The following PCDH11X variants were observed in gnomAD, a reference collection of about 807,000 sequenced individuals.
PCDH11X encodes the protein protocadherin 11 X-linked.
Under a neutral mutation model 53.3 loss-of-function variants are expected in PCDH11X, and 18 were observed. The observed-to-expected ratio is 0.34, with a 90% CI of 0.23 to 0.50. The LOEUF is 0.50. PCDH11X is among the 20% of genes least tolerant of loss of function. The pLI is 0.98. For synonymous variants in PCDH11X, 279 were observed against 393.3 expected (o/e 0.71, Z 3.44); for missense variants, 570 against 1,032.4 (o/e 0.55, Z 6.14).
At chrX:92,433,375 C>T (rs1297500630) in intron 9 of PCDH11X, among the ~76,000 whole-genome samples, 6 of 109,673 alleles carry the variant, frequency 5.5e-5, no homozygotes, top group Non-Finnish European at 7.6e-5. Flanking sequence ...TTCCTGGTTG[C>T]TCCAACATTT....
chrX:92,438,288 A>G (rs1363206392), intron 9 of PCDH11X, among the ~76,000 whole-genome samples: 1 of 111,717 alleles, frequency 9.0e-6, no homozygotes, highest in Non-Finnish European at 1.9e-5. Context: ...TAAGACACAC[A>G]ATATGATTTT....
At chrX:92,352,214 CAT>C (rs2070069236) in intron 8 of PCDH11X, among the ~76,000 whole-genome samples, 1 of 111,428 alleles carries the variant, frequency 9.0e-6, no homozygotes, top group African/African-American at 3.3e-5. Flanking sequence ...TACAAAAAAA[CAT>C]AGTGTTTTAT....
chrX:92,149,187 T>A (rs951480605), intron 6 of PCDH11X, among the ~76,000 whole-genome samples: 3 of 110,051 alleles, frequency 2.7e-5, no homozygotes, highest in African/African-American at 9.9e-5. Flanking sequence ...CAGTTGTGGA[T>A]AACTGAGCTC....
intron 9 of PCDH11X, among the ~76,000 whole-genome samples, chrX:92,413,648 G>A (rs774007496): frequency 7.5e-4 from 82 of 108,752 alleles, no homozygotes; most frequent in African/African-American, 2.7e-3. Context: ...TTTCCATAAG[G>A]GATTGCAGCC....
At chrX:91,969,537 A>T (rs2147903300) in intron 6 of PCDH11X, among the ~76,000 whole-genome samples, 1 of 111,280 alleles carries the variant, frequency 9.0e-6, no homozygotes, top group East Asian at 2.9e-4. Context: ...GGTGGCTCAC[A>T]CCAGTAATGC....
intron 5 of PCDH11X, among the ~76,000 whole-genome samples, chrX:91,846,343 C>T (rs936949086): frequency 4.5e-5 from 5 of 111,177 alleles, no homozygotes; most frequent in East Asian, 2.8e-4. Context: ...TTAGGCCGGG[C>T]GCGGTGGCTC....
chrX:92,153,625 T>G (rs2148244639), intron 6 of PCDH11X, among the ~76,000 whole-genome samples: 1 of 111,485 alleles, frequency 9.0e-6, no homozygotes, highest in African/African-American at 3.3e-5. Flanking sequence ...CAAAATTGTA[T>G]ATCATTTTTA....
rs757542617 is a variant in PCDH11X, at chrX:92,618,598, C to T, written c.3702C>T (p.Ser1234=). 2 of 1,212,018 alleles carry T rather than the reference C, an allele frequency of 1.7e-6. No individual in the cohort carries two copies. Among genetic ancestry groups the T allele is most frequent in the South Asian group, 3.5e-5 (2 of 57,000 alleles). Residue 1234 remains serine, a synonymous_variant, in exon 11 of 11, where the codon AGC becomes AGT. Transcript: ENST00000682573. ...PLVQATALHH[S]PPSAQASALC... is the part of the protein sequence containing the mutation. Reference sequence around the variant, plus strand: ...TGCAGGCTACTGCACTTCACCACAGCCCACCATCAGCACAGGCCTCAGCCC... The same window carrying T: ...TGCAGGCTACTGCACTTCACCACAGTCCACCATCAGCACAGGCCTCAGCCC...
chrX:92,128,590 G>A lies in PCDH11X; in HGVS notation c.3034-72785G>A, dbSNP rs564828086. ...TTTTGGTAATTTTAGTAGAGACGGG[G>A]GTTTCACCATGTAGGCCAGGTTGGT... On this transcript the variant is annotated intron_variant, in intron 6 of 10. Transcript: ENST00000682573. Among the ~76,000 whole-genome samples, 60 of 108,896 alleles carry A rather than the reference G, an allele frequency of 5.5e-4. No individual in the cohort carries two copies. In the South Asian group the frequency reaches 0.022, roughly 40 times the overall value. The allele number at this position is 108,896 out of a possible 115,157, so 94.6% of individuals were successfully genotyped here.
At chrX:91,885,849 T>C (rs941130558) in intron 6 of PCDH11X, among the ~76,000 whole-genome samples, 1 of 112,123 alleles carries the variant, frequency 8.9e-6, no homozygotes, top group African/African-American at 3.2e-5. Context: ...GAATGCAGCG[T>C]CTCTGAGAAA....
intron 8 of PCDH11X, among the ~76,000 whole-genome samples, chrX:92,313,143 A>G (rs1377185284): frequency 9.0e-6 from 1 of 111,582 alleles, no homozygotes; most frequent in African/African-American, 3.3e-5. Flanking sequence ...AGCAGGGATA[A>G]AGATGACATT....
intron 6 of PCDH11X, among the ~76,000 whole-genome samples, chrX:92,118,759 T>G (rs1265411447): frequency 2.3e-5 from 2 of 85,893 alleles, no homozygotes; most frequent in Non-Finnish European, 4.3e-5. Context: ...TTTTTTTTTT[T>G]GAGACGGAGT....
At chrX:92,497,377 C>T (rs1335626552) in intron 10 of PCDH11X, among the ~76,000 whole-genome samples, 1 of 108,671 alleles carries the variant, frequency 9.2e-6, no homozygotes, top group Non-Finnish European at 1.9e-5. Context: ...TTGTTTCTAT[C>T]ATAACATTCA....
intron 8 of PCDH11X, among the ~76,000 whole-genome samples, chrX:92,386,315 A>G (rs751038203): frequency 4.5e-5 from 5 of 111,839 alleles, no homozygotes; most frequent in South Asian, 3.7e-4. Context: ...TTGTGAAAAC[A>G]TATGCATTCT....
At chrX:91,804,819 A>C (rs1000704873) in intron 1 of PCDH11X, among the ~76,000 whole-genome samples, 6 of 110,488 alleles carry the variant, frequency 5.4e-5, no homozygotes, top group African/African-American at 2.0e-4. Flanking sequence ...TAGAAAGAAT[A>C]ATTTTCCAGA....
intron 8 of PCDH11X, among the ~76,000 whole-genome samples, chrX:92,269,489 G>A (rs142988204): frequency 0.013 from 1,452 of 110,641 alleles, 25 homozygotes; most frequent in African/African-American, 0.044. Context: ...AACTATTTTC[G>A]AATTTCTTTC....
chrX:92,408,942 G>A (rs1158585697), intron 9 of PCDH11X, among the ~76,000 whole-genome samples: 1 of 103,706 alleles, frequency 9.6e-6, no homozygotes, highest in African/African-American at 3.7e-5. Context: ...ATAAATGCCT[G>A]CTTAACATTA....
intron 5 of PCDH11X, among the ~76,000 whole-genome samples, chrX:91,869,846 G>A (rs1000061872): frequency 3.6e-5 from 4 of 111,814 alleles, no homozygotes; most frequent in African/African-American, 1.3e-4. Context: ...AATCTGAAGC[G>A]AGACAGAGAT....
In PCDH11X at chrX:92,391,977, T is replaced by C. The variant is rs77468108; in HGVS notation, c.3343+4044T>C. The stretch of plus-strand genomic sequence containing the variant: ...CCCCCTAAAATGAAGAGGAGAATGA[T>C]TTAGTTTATATCAGTATTTTAATTT... On this transcript the variant is annotated intron_variant, in intron 9 of 10. Transcript: ENST00000682573. 2.7e-3 allele frequency among the ~76,000 whole-genome samples: 299 copies of C among 110,946 alleles called. 7 individuals carry two copies. The East Asian group carries it at 0.052, about 19-fold the overall frequency.
Sources: gnomAD v4.1 joint callset for allele counts (sites outside exome capture counted in the v4.1 genomes callset) on GRCh38, gnomAD v4.1.1 for gene constraint, MANE v1.5 for transcripts, NCBI Gene and HGNC (gene_info 2026-07-23, HGNC 2026-07-21) for gene names.